Variants in FAM135A observed in about 807,000 individuals in gnomAD.
The protein encoded by FAM135A is family with sequence similarity 135 member A, also known as protein FAM135A.
Under a neutral mutation model 146.8 loss-of-function variants are expected in FAM135A, and 79 were observed. The observed-to-expected ratio is 0.54, with a 90% CI of 0.45 to 0.65. The LOEUF (loss-of-function observed/expected upper bound fraction) is 0.65. Among genes scored for constraint, FAM135A ranks in the 30% least tolerant of loss-of-function variants. FAM135A has a pLI of 0.00. For missense variants in FAM135A, 1,623 were observed against 1,758.2 expected (o/e 0.92, Z 1.38); for synonymous variants, 562 against 603.6 (o/e 0.93, Z 1.01).
intron 2 of FAM135A, among the ~76,000 whole-genome samples, chr6:70,416,655 G>T (rs1767637876): frequency 6.6e-6 from 1 of 152,192 alleles, no homozygotes; most frequent in Non-Finnish European, 1.5e-5. Context: ...GTGGGGTGTG[G>T]TGGCTCATGC....
chr6:70,540,571 C>T (rs1457571449), intron 20 of FAM135A, among the ~76,000 whole-genome samples: 1 of 151,980 alleles, frequency 6.6e-6, no homozygotes, highest in Admixed American at 6.6e-5. Flanking sequence ...GTGATCCGCC[C>T]GCCTCGGCCT....
chr6:70,458,296 G>A lies in FAM135A; in HGVS notation c.157+5725G>A, dbSNP rs1273444571. On this transcript the variant is annotated intron_variant, in intron 5 of 21. Transcript: ENST00000418814. ...TTTTTTCTCATTCTCTTTCAAAATA[G>A]CAAATTTTACCTGTCATGTCTGAAA... Among the ~76,000 whole-genome samples, 3 of 151,990 alleles carry A rather than the reference G, an allele frequency of 2.0e-5. No individual in the cohort carries two copies. The East Asian group carries it at 5.8e-4, about 29-fold the overall frequency.
In FAM135A at chr6:70,526,623, A is replaced by T. The variant is rs1224495889; in HGVS notation, c.3539A>T (p.Gln1180Leu). 1 of 1,613,230 alleles carries T rather than the reference A, an allele frequency of 6.2e-7. No homozygotes were observed. The highest frequency in any genetic ancestry group is 1.1e-5 in the South Asian group (1 of 90,924). Residue 1180 changes from glutamine to leucine, a missense_variant, in exon 15 of 22, where the codon CAG becomes CTG. Physicochemically the swap from Gln to Leu is moderately radical, Grantham distance 113 (BLOSUM62 -2). Coordinates refer to ENST00000418814, the MANE Select transcript of FAM135A (RefSeq NM_001162529.3). ...AGTAAATTTGATGCCATTACAAAGCAGCCAAGCAGTACTTCTTACAACTTC... is the reference window on the plus strand; with the variant it reads ...AGTAAATTTGATGCCATTACAAAGCTGCCAAGCAGTACTTCTTACAACTTC... ...SKSKFDAITK[Q>L]PSSTSYNFTS...
intron 12 of FAM135A, among the ~76,000 whole-genome samples, chr6:70,521,866 T>TA (rs901937852): frequency 6.6e-6 from 1 of 152,224 alleles, no homozygotes; most frequent in Non-Finnish European, 1.5e-5. Context: ...TATGCCAAGA[T>TA]ACATGTTTTG....
chr6:70,435,262 G>A (rs914675305), intron 4 of FAM135A, among the ~76,000 whole-genome samples: 3 of 151,452 alleles, frequency 2.0e-5, no homozygotes, highest in South Asian at 2.1e-4. Flanking sequence ...CTGCCACCAC[G>A]CCCAGCTAAT....
At chr6:70,515,116 A>C (rs1791903922) in intron 12 of FAM135A, among the ~76,000 whole-genome samples, 1 of 152,212 alleles carries the variant, frequency 6.6e-6, no homozygotes, top group Non-Finnish European at 1.5e-5. Flanking sequence ...GACAACAGCA[A>C]ATGTTGGTGA....
Position 70,475,477 on chromosome 6 carries a change from G to A in FAM135A, c.225G>A (p.Leu75=). ...TTTGCAGTAAAACATTTCAAATTTT[G>A]TACAAAAATGAAGAGGTTGTTTTAA... The part of the protein sequence containing the change: ...SLICSKTFQI[L]YKNEEVVLND... The change falls in exon 6 of 22, where the codon TTG becomes TTA. Residue 75 remains leucine (L), a synonymous_variant. Transcript: ENST00000418814. 1 of 1,606,234 alleles carries A rather than the reference G, an allele frequency of 6.2e-7. No homozygotes were observed. The highest frequency in any genetic ancestry group is 8.5e-7 in the Non-Finnish European group (1 of 1,177,168).
intron 4 of FAM135A, among the ~76,000 whole-genome samples, chr6:70,437,205 G>C (rs1381566047): frequency 1.3e-5 from 2 of 152,038 alleles, no homozygotes; most frequent in Non-Finnish European, 2.9e-5. Flanking sequence ...TAACCCAGGG[G>C]CTACCCATAT....
intron 5 of FAM135A, among the ~76,000 whole-genome samples, chr6:70,467,347 A>G (rs1033864920): frequency 6.6e-6 from 1 of 151,480 alleles, no homozygotes; most frequent in African/African-American, 2.4e-5. Flanking sequence ...TTAATCTTCT[A>G]TGTGACCTTT....
intron 12 of FAM135A, chr6:70,504,223 T>C (rs893368255): frequency 1.3e-5 from 2 of 152,242 alleles, no homozygotes; most frequent in African/African-American, 2.4e-5. Flanking sequence ...TGATTACCCA[T>C]GCAGTTGAGC....
At chr6:70,484,970 G>C (rs976162892) in intron 10 of FAM135A, among the ~76,000 whole-genome samples, 2 of 152,156 alleles carry the variant, frequency 1.3e-5, no homozygotes, top group African/African-American at 4.8e-5. Flanking sequence ...AGAAAGTATC[G>C]TAATAAAAGT....
chr6:70,530,811 A>G (rs1795658932), intron 16 of FAM135A, among the ~76,000 whole-genome samples: 2 of 152,104 alleles, frequency 1.3e-5, no homozygotes, highest in African/African-American at 4.8e-5. Flanking sequence ...AAATAGAAAT[A>G]TAAACTTCAT....
intron 4 of FAM135A, among the ~76,000 whole-genome samples, chr6:70,441,809 C>T (rs1053642842): frequency 1.3e-5 from 2 of 151,824 alleles, no homozygotes; most frequent in African/African-American, 4.8e-5. Flanking sequence ...CTCAGCCTCC[C>T]AAGTAGCTGG....
chr6:70,440,998 T>G (rs186120818), intron 4 of FAM135A, among the ~76,000 whole-genome samples: 3 of 152,372 alleles, frequency 2.0e-5, no homozygotes, highest in Admixed American at 1.3e-4. Flanking sequence ...GTTACTTGTA[T>G]TCAGAATATT....
At chr6:70,452,122 C>A (rs1777230391) in intron 4 of FAM135A, among the ~76,000 whole-genome samples, 1 of 151,554 alleles carries the variant, frequency 6.6e-6, no homozygotes, top group Admixed American at 6.6e-5. Flanking sequence ...TCTATTTTCT[C>A]AAAATTACAT....
chr6:70,509,852 C>T lies in FAM135A; in HGVS notation c.1029+7061C>T, dbSNP rs113222591. Among the ~76,000 whole-genome samples the T allele has an allele frequency of 4.2e-3, 640 of 152,114 alleles. 4 individuals carry two copies. The highest frequency in any genetic ancestry group is 0.015 in the African/African-American group (604 of 41,506). ...ATTTCATCTCTTTCCCATGAATTTG[C>T]AAAGTATTAAAAACGAAGTAAATTA... On this transcript the variant is annotated intron_variant, in intron 12 of 21. Transcript: ENST00000418814.
chr6:70,546,514 G>A (rs1474141372), intron 20 of FAM135A, among the ~76,000 whole-genome samples: 1 of 152,118 alleles, frequency 6.6e-6, no homozygotes, highest in East Asian at 1.9e-4. Flanking sequence ...TTAGTTAATA[G>A]CTTTCCTTTT....
At chr6:70,414,337 T>C (rs1419030840) in intron 1 of FAM135A, among the ~76,000 whole-genome samples, 1 of 152,234 alleles carries the variant, frequency 6.6e-6, no homozygotes, top group East Asian at 1.9e-4. Context: ...AGCATCGCTT[T>C]GCATTGGAGT....
Position 70,525,481 on chromosome 6 carries a change from T to C in FAM135A, c.2397T>C (p.Asn799=), listed in dbSNP as rs765871568. Residue 799 remains asparagine (N), a synonymous_variant, in exon 15 of 22, where the codon AAT becomes AAC. Coordinates refer to ENST00000418814, the MANE Select transcript of FAM135A (RefSeq NM_001162529.3). The part of the protein sequence containing the change: ...FETVQGQGPC[N]SERLFPQLLM... ...CTGTGCAAGGGCAAGGTCCTTGCAA[T>C]AGTGAAAGATTATTTCCTCAGCTTT... The C allele has an allele frequency of 1.9e-6, 3 of 1,612,294 alleles. No homozygotes were observed. The highest frequency in any genetic ancestry group is 2.5e-6 in the Non-Finnish European group (3 of 1,179,262).
Sources: gnomAD v4.1 joint callset for allele counts (sites outside exome capture counted in the v4.1 genomes callset) on GRCh38, gnomAD v4.1.1 for gene constraint, MANE v1.5 for transcripts, NCBI Gene and HGNC (gene_info 2026-07-23, HGNC 2026-07-21) for gene names.